Variants in KTN1 observed in about 807,000 individuals in gnomAD.
The protein encoded by KTN1 is kinectin 1.
In KTN1, 130 loss-of-function variants were observed where a neutral mutation model predicts 222.5. That is an observed-to-expected ratio of 0.58 (90% CI 0.51 to 0.68). The LOEUF (loss-of-function observed/expected upper bound fraction) is 0.68. KTN1 is among the 30% of genes least tolerant of loss of function. The pLI is 0.00. For missense variants in KTN1, 1,508 were observed against 1,500.4 expected, an observed-to-expected ratio of 1.01 and a Z score of -0.08; for synonymous variants, 512 against 496.3, an observed-to-expected ratio of 1.03 and a Z score of -0.42.
At chr14:55,671,514 A>C in intron 35 of KTN1, 52 bp from the exon 36 acceptor site, 2 of 1,388,062 alleles carry the variant, frequency 1.4e-6, no homozygotes, top group South Asian at 2.5e-5. Context: ...AACTTGAAGC[A>C]TAAAACTTTC....
chr14:55,589,998 A>G (rs2033825070), intron 1 of KTN1, among the ~76,000 whole-genome samples: 1 of 152,124 alleles, frequency 6.6e-6, no homozygotes, highest in African/African-American at 2.4e-5. Context: ...AATAAGTAAA[A>G]ACAAAACAAA....
chr14:55,609,794 A>AATG (rs1158523873), intron 1 of KTN1, among the ~76,000 whole-genome samples: 1 of 152,096 alleles, frequency 6.6e-6, no homozygotes, highest in African/African-American at 2.4e-5. Context: ...CAAAAACTCG[A>AATG]AGCATTCCAA....
intron 28 of KTN1, among the ~76,000 whole-genome samples, chr14:55,654,142 C>T (rs2043212252): frequency 6.6e-6 from 1 of 151,938 alleles, no homozygotes. Context: ...ATGTTTTATT[C>T]TAGAGAGTCT....
chr14:55,599,249 G>C (rs1041044687), intron 1 of KTN1, among the ~76,000 whole-genome samples: 2 of 151,918 alleles, frequency 1.3e-5, no homozygotes, highest in Admixed American at 6.6e-5. Flanking sequence ...TGTTTTAATA[G>C]TCTTTCACAT....
At chr14:55,640,868 G>A (rs558896780) in intron 15 of KTN1, 65 bp from the exon 16 acceptor site, 1 of 1,305,422 alleles carries the variant, frequency 7.7e-7, no homozygotes, top group Admixed American at 1.8e-5. Context: ...GTAAAAATTA[G>A]TGAAAAAAAT....
intron 1 of KTN1, among the ~76,000 whole-genome samples, chr14:55,589,235 T>C (rs80170311): frequency 0.02 from 2,986 of 152,310 alleles, 58 homozygotes; most frequent in African/African-American, 0.051. Context: ...CTTTCAGTGT[T>C]ATGTAACCTT....
At chr14:55,605,430 A>G (rs927024093) in intron 1 of KTN1, among the ~76,000 whole-genome samples, 13 of 152,104 alleles carry the variant, frequency 8.5e-5, no homozygotes, top group Admixed American at 6.5e-4. Context: ...ATATCTGGAT[A>G]ATAATTTTTA....
intron 43 of KTN1, chr14:55,681,782 G>C (rs1356513901): frequency 6.6e-6 from 1 of 152,016 alleles, no homozygotes; most frequent in Non-Finnish European, 1.5e-5. Flanking sequence ...TCATTCCTTA[G>C]GCTCTACCTG....
At chr14:55,628,750 GATTA>G (rs534192194) in intron 6 of KTN1, among the ~76,000 whole-genome samples, 86 of 152,248 alleles carry the variant, frequency 5.6e-4, no homozygotes, top group Non-Finnish European at 1.1e-3. Context: ...AAGTTGGCAA[GATTA>G]ATTAAAGTTG....
chr14:55,586,706 A>G (rs2033080400), intron 1 of KTN1, among the ~76,000 whole-genome samples: 1 of 152,140 alleles, frequency 6.6e-6, no homozygotes, highest in African/African-American at 2.4e-5. Flanking sequence ...AGGAATTAGA[A>G]GATTAATTCT....
chr14:55,683,539 A>C (rs998794344), intron 43 of KTN1: 2 of 152,114 alleles, frequency 1.3e-5, no homozygotes, highest in African/African-American at 2.4e-5. Flanking sequence ...GTTTATTCAC[A>C]TTTTGTCAAT....
chr14:55,653,156 A>G (rs2043119314), intron 27 of KTN1, 71 bp downstream of exon 27: 1 of 1,017,686 alleles, frequency 9.8e-7, no homozygotes, highest in African/African-American at 1.6e-5. Flanking sequence ...ATTAGAAAGT[A>G]AAGATGTTAA....
At chr14:55,623,853 A>G (rs2039464765) in intron 5 of KTN1, among the ~76,000 whole-genome samples, 1 of 152,206 alleles carries the variant, frequency 6.6e-6, no homozygotes, top group African/African-American at 2.4e-5. Flanking sequence ...ATTAAAAGTA[A>G]TTGCTTTAAG....
At chr14:55,634,893 G>A (rs1384850162) in intron 9 of KTN1, among the ~76,000 whole-genome samples, 2 of 152,046 alleles carry the variant, frequency 1.3e-5, no homozygotes, top group African/African-American at 4.8e-5. Context: ...AATGCCGAGC[G>A]AGGGGGAAGA....
chr14:55,673,131 A>G lies in KTN1; in HGVS notation c.3688-41A>G, dbSNP rs776970512. ...CCGAGTAGCATACAAAACATGGGCT[A>G]TCATAAGGAGATCAATCTTAAACTC... On this transcript the variant is annotated intron_variant, in intron 39 of 43. Transcript: ENST00000395314. 50 of 1,540,114 alleles carry G rather than the reference A, an allele frequency of 3.2e-5. No homozygotes were observed. In the African/African-American group the frequency reaches 3.8e-4, roughly 12 times the overall value.
intron 1 of KTN1, among the ~76,000 whole-genome samples, chr14:55,580,825 C>T (rs772621137): frequency 1.2e-4 from 18 of 152,236 alleles, no homozygotes; most frequent in Non-Finnish European, 1.9e-4. Flanking sequence ...CGTCCCCGGG[C>T]CGGAGCTGGG....
chr14:55,637,843 C>A lies in KTN1; in HGVS notation c.1781C>A (p.Ala594Asp), dbSNP rs1224322296. 1 of 1,608,988 alleles carries A rather than the reference C, an allele frequency of 6.2e-7. No individual in the cohort carries two copies. Among genetic ancestry groups the A allele is most frequent in the Admixed American group, 1.7e-5 (1 of 59,828 alleles). ...CAGCAGTTCCATTCCCAGATAGCAG[C>A]CCAGGTAATGATGCTTTCTTATTGC... ...QIQQFHSQIA[A>D]QTSASVLAEE... Residue 594 changes from alanine (A) to aspartate (D), a missense_variant, in exon 12 of 44, where the codon GCC becomes GAC. Ala to Asp is a moderately radical substitution (Grantham distance 126). Transcript: ENST00000395314.
At chr14:55,585,336 G>A (rs949568585) in intron 1 of KTN1, among the ~76,000 whole-genome samples, 3 of 152,092 alleles carry the variant, frequency 2.0e-5, no homozygotes, top group Non-Finnish European at 2.9e-5. Flanking sequence ...TACTCCACAT[G>A]ATTAGGACCA....
intron 1 of KTN1, among the ~76,000 whole-genome samples, chr14:55,598,207 G>C (rs146149300): frequency 0.015 from 2,250 of 152,160 alleles, 82 homozygotes; most frequent in Admixed American, 0.072. Flanking sequence ...AGGCCGAAGC[G>C]GGCGGATCAC....
Sources: gnomAD v4.1 joint callset for allele counts (sites outside exome capture counted in the v4.1 genomes callset) on GRCh38, gnomAD v4.1.1 for gene constraint, MANE v1.5 for transcripts, NCBI Gene and HGNC (gene_info 2026-07-23, HGNC 2026-07-21) for gene names.